SLC30A5: variants seen among roughly 807,000 people sequenced by gnomAD.
SLC30A5 encodes proton-coupled zinc antiporter SLC30A5.
In SLC30A5, 33 loss-of-function variants were observed where a neutral mutation model predicts 79.6. The ratio of observed to expected loss-of-function variants is 0.41; its 90% CI spans 0.31 to 0.55. The LOEUF (loss-of-function observed/expected upper bound fraction) is 0.55. SLC30A5 is among the 20% of genes least tolerant of loss of function. The pLI is 0.20. For missense variants in SLC30A5, 788 were observed against 928.1 expected (o/e 0.85, Z 1.96); for synonymous variants, 299 against 319.7 (o/e 0.94, Z 0.69).
intron 12 of SLC30A5, among the ~76,000 whole-genome samples, chr5:69,119,449 T>G (rs1746476382): frequency 6.6e-6 from 1 of 152,188 alleles, no homozygotes; most frequent in Non-Finnish European, 1.5e-5. Context: ...TGCAGTTGTT[T>G]AATTTGTCAT....
At chr5:69,128,983 G>T (rs963629295) in intron 15 of SLC30A5, among the ~76,000 whole-genome samples, 2 of 152,004 alleles carry the variant, frequency 1.3e-5, no homozygotes, top group African/African-American at 2.4e-5. Context: ...TACTGTAACT[G>T]TTTGTTTGTT....
At chr5:69,109,509 C>T (rs1443647932) in intron 5 of SLC30A5, among the ~76,000 whole-genome samples, 3 of 151,862 alleles carry the variant, frequency 2.0e-5, no homozygotes, top group African/African-American at 7.3e-5. Context: ...ACCATCATTA[C>T]AAGCAAGATA....
At chr5:69,094,449 C>T in intron 1 of SLC30A5, 111 bp downstream of exon 1, 1 of 1,137,992 alleles carries the variant, frequency 8.8e-7, no homozygotes, top group Non-Finnish European at 1.1e-6. Context: ...GTCGGCGCGC[C>T]CTCTCCCCCT....
intron 15 of SLC30A5, 118 bp downstream of exon 15, chr5:69,128,250 C>CTTT (rs71612509): frequency 0.02 from 5,827 of 285,616 alleles, 174 homozygotes; most frequent in East Asian, 0.075. Context: ...TCTTCCAACT[C>CTTT]TTTTTTTTTT....
chr5:69,126,494 G>A (rs1050038454), intron 14 of SLC30A5, among the ~76,000 whole-genome samples: 31 of 152,124 alleles, frequency 2.0e-4, no homozygotes, highest in African/African-American at 6.0e-4. Flanking sequence ...CAGGCGTGGC[G>A]GCTCACACCT....
In SLC30A5 at chr5:69,121,889, A is replaced by G; in HGVS notation, c.1765A>G (p.Met589Val). 4 of 1,612,684 alleles carry G rather than the reference A, an allele frequency of 2.5e-6. No homozygotes were observed. The highest frequency in any genetic ancestry group is 1.1e-5 in the South Asian group (1 of 90,904). The change falls in exon 13 of 16, where the codon ATG becomes GTG. Residue 589 changes from methionine (M) to valine (V), a missense_variant. By Grantham distance (21) the Met-to-Val change is conservative (BLOSUM62 1). Coordinates refer to ENST00000396591, the MANE Select transcript of SLC30A5 (RefSeq NM_022902.5). ...GSAGGGMNAN[M>V]RGVFLHVLAD... Reference sequence around the variant, plus strand: ...TGCGGGTGGAGGCATGAATGCTAACATGAGGGGTGAGTCCTTGCAAAATAT... The same window carrying G: ...TGCGGGTGGAGGCATGAATGCTAACGTGAGGGGTGAGTCCTTGCAAAATAT...
chr5:69,116,579 T>G lies in SLC30A5; in HGVS notation c.1258T>G (p.Phe420Val). 1 of 1,567,860 alleles carries G rather than the reference T, an allele frequency of 6.4e-7. No homozygotes were observed. Among genetic ancestry groups the G allele is most frequent in the Non-Finnish European group, 8.6e-7 (1 of 1,162,530 alleles). ...TGAGGAGAGTGACTCTAGGCAGATC[T>G]TTTACTTCTTGTGCTTGAATCTGGT... ...ILEESDSRQI[F>V]YFLCLNLLFT... The change falls in exon 10 of 16, where the codon TTT (phenylalanine) becomes GTT (valine). Residue 420 changes from phenylalanine to valine, a missense_variant. Phe to Val is a conservative substitution (Grantham distance 50). Coordinates refer to ENST00000396591, the MANE Select transcript of SLC30A5 (RefSeq NM_022902.5). The surrounding 1 kb of genome is among the most constrained non-coding windows in gnomAD (Gnocchi z 4.0).
At chr5:69,120,102 C>T (rs1246516211) in intron 12 of SLC30A5, among the ~76,000 whole-genome samples, 1 of 150,722 alleles carries the variant, frequency 6.6e-6, no homozygotes, top group Non-Finnish European at 1.5e-5. Flanking sequence ...TCACTGTCCA[C>T]CAGTGAAAAA....
intron 12 of SLC30A5, among the ~76,000 whole-genome samples, chr5:69,120,306 C>T (rs374550818): frequency 8.6e-5 from 13 of 151,534 alleles, no homozygotes; most frequent in Non-Finnish European, 1.9e-4. Context: ...ATTGCTTGAA[C>T]CTGGGAGGCA....
intron 1 of SLC30A5, among the ~76,000 whole-genome samples, chr5:69,097,139 G>T (rs1435407145): frequency 8.3e-6 from 1 of 120,778 alleles, no homozygotes; most frequent in African/African-American, 3.3e-5. Context: ...TTTTTGAGGC[G>T]GAGTCTCGCT....
At chr5:69,112,500 A>C (rs1363405034) in intron 5 of SLC30A5, among the ~76,000 whole-genome samples, 1 of 151,776 alleles carries the variant, frequency 6.6e-6, no homozygotes, top group African/African-American at 2.4e-5. Context: ...GGTCCCAGCT[A>C]TTTGGTAGGC....
intron 14 of SLC30A5, among the ~76,000 whole-genome samples, chr5:69,127,485 A>AT (rs201623022): frequency 0.38 from 57,138 of 149,730 alleles, 11,623 homozygotes; most frequent in East Asian, 0.53. Flanking sequence ...AAAAAAAAAA[A>AT]AAAAAAAAAA....
chr5:69,103,882 TC>T, intron 3 of SLC30A5: 1 of 1,114,024 alleles, frequency 9.0e-7, no homozygotes, highest in African/African-American at 1.7e-5. Flanking sequence ...TTTAAGTACT[TC>T]TGTTTCAGAG....
intron 5 of SLC30A5, among the ~76,000 whole-genome samples, chr5:69,112,588 G>A (rs1383178558): frequency 6.6e-6 from 1 of 151,474 alleles, no homozygotes; most frequent in East Asian, 1.9e-4. Context: ...TCCAGCCTGG[G>A]CGACAGCGAG....
At chr5:69,097,357 C>T (rs1378620818) in intron 1 of SLC30A5, among the ~76,000 whole-genome samples, 1 of 152,154 alleles carries the variant, frequency 6.6e-6, no homozygotes, top group Non-Finnish European at 1.5e-5. Context: ...CCTCGTGATC[C>T]GCCCGCCTGG....
At chr5:69,119,400 C>T (rs1205571552) in intron 12 of SLC30A5, among the ~76,000 whole-genome samples, 1 of 152,062 alleles carries the variant, frequency 6.6e-6, no homozygotes, top group East Asian at 1.9e-4. Context: ...TCAGTATTCT[C>T]ATTATGTTTT....
chr5:69,125,219 A>C (rs1035759266), intron 14 of SLC30A5, among the ~76,000 whole-genome samples: 17 of 151,550 alleles, frequency 1.1e-4, no homozygotes, highest in Admixed American at 8.6e-4. Flanking sequence ...GTGAAAGTCC[A>C]TCTCTACTAA....
chr5:69,105,357 G>A (rs531791316), intron 4 of SLC30A5, among the ~76,000 whole-genome samples: 1 of 152,276 alleles, frequency 6.6e-6, no homozygotes, highest in African/African-American at 2.4e-5. Context: ...ATTTTACTTA[G>A]TGAATAAGTG....
rs1258856505 is a variant in SLC30A5, at chr5:69,116,254, A to T, written c.1072+40A>T. The T allele has an allele frequency of 6.5e-7, 1 of 1,531,210 alleles. No homozygotes were observed. Among genetic ancestry groups the T allele is most frequent in the Non-Finnish European group, 8.8e-7 (1 of 1,141,126 alleles). 94.9% of individuals were successfully genotyped at this position (1,531,210 alleles called of 1,614,324 possible). ...CTTTTTTTTATTTTAACAAATTTCTATTTATGGATTTTGATGGTCACATCA... is the reference window on the plus strand; with the variant it reads ...CTTTTTTTTATTTTAACAAATTTCTTTTTATGGATTTTGATGGTCACATCA... On this transcript the variant is annotated intron_variant, in intron 9 of 15. Coordinates refer to ENST00000396591, the MANE Select transcript of SLC30A5 (RefSeq NM_022902.5). The surrounding 1 kb of genome is among the most constrained non-coding windows in gnomAD (Gnocchi z 4.0).
Sources: allele counts gnomAD v4.1 joint callset (sites outside exome capture counted in the v4.1 genomes callset), GRCh38; gene constraint gnomAD v4.1.1; non-coding constraint Gnocchi (gnomAD v3.1); transcripts MANE v1.5; gene names NCBI Gene and HGNC (gene_info 2026-07-23, HGNC 2026-07-21).